The following CPNE5 variants were observed in gnomAD, a reference collection of about 807,000 sequenced individuals.
CPNE5 encodes the protein copine-5.
CPNE5 carries 42 observed loss-of-function variants against 81.1 expected under a neutral mutation model. That is an observed-to-expected ratio of 0.52 (90% confidence interval 0.40 to 0.67). The LOEUF is 0.67. CPNE5 is among the 30% of genes least tolerant of loss of function. CPNE5 has a pLI of 0.00. For missense variants in CPNE5, 612 were observed against 815.5 expected (o/e 0.75, Z 3.04); for synonymous variants, 313 against 321.5 (o/e 0.97, Z 0.28).
chr6:36,765,238 G>C lies in CPNE5; in HGVS notation c.779+97C>G, dbSNP rs550796602. ...CTCCCTCACCCCCAGAGCCACTGCG[G>C]GGGGGAGCCTGGTCACAGCTCCGCA... On this transcript the variant is annotated intron_variant, in intron 11 of 20. Coordinates refer to ENST00000244751, the MANE Select transcript of CPNE5 (RefSeq NM_020939.2). 6 of 1,373,440 alleles carry C rather than the reference G, an allele frequency of 4.4e-6. No individual in the cohort carries two copies. The Admixed American group carries it at 5.6e-5, about 13-fold the overall frequency. The allele number at this position is 1,373,440 out of a possible 1,614,324, so 85.1% of individuals were successfully genotyped here.
chr6:36,797,717 G>A (rs1045657067), intron 6 of CPNE5, among the ~76,000 whole-genome samples: 4 of 152,184 alleles, frequency 2.6e-5, no homozygotes, highest in Middle Eastern at 6.3e-3. Context: ...GGGACGGGAG[G>A]AGCCTCACTG....
At chr6:36,789,295 G>T (rs537696872) in intron 8 of CPNE5, among the ~76,000 whole-genome samples, 18 of 152,248 alleles carry the variant, frequency 1.2e-4, no homozygotes, top group Admixed American at 7.8e-4. Flanking sequence ...GGGAGGACTG[G>T]GGAAGAAGGA....
chr6:36,794,519 C>T (rs1020243616), intron 7 of CPNE5, 71 bp downstream of exon 7: 6 of 1,435,728 alleles, frequency 4.2e-6, no homozygotes, highest in Non-Finnish European at 5.9e-6. Flanking sequence ...GAGGCCCAGA[C>T]TCTGAGGCCC....
At chr6:36,778,535 C>A (rs1488667286) in intron 9 of CPNE5, among the ~76,000 whole-genome samples, 3 of 152,128 alleles carry the variant, frequency 2.0e-5, no homozygotes, top group Non-Finnish European at 2.9e-5. Flanking sequence ...GAGGGACTGG[C>A]CCCCTATTCC....
chr6:36,786,756 A>G (rs1159358007), intron 8 of CPNE5, among the ~76,000 whole-genome samples: 2 of 152,244 alleles, frequency 1.3e-5, no homozygotes, highest in Admixed American at 1.3e-4. Context: ...GCAGGCTATA[A>G]AACTGGATAC....
In CPNE5 at chr6:36,764,956, A is replaced by G. The variant is rs1262693496; in HGVS notation, c.779+379T>C. Among the ~76,000 whole-genome samples the G allele has an allele frequency of 2.4e-5, 3 of 125,046 alleles. No individual in the cohort carries two copies. The South Asian group carries it at 8.1e-4, about 34-fold the overall frequency. The allele number at this position is 125,046 out of a possible 152,430, so 82.0% of individuals were successfully genotyped here. On this transcript the variant is annotated intron_variant, in intron 11 of 20. Coordinates refer to ENST00000244751, the MANE Select transcript of CPNE5 (RefSeq NM_020939.2). ...GAGTCTTCACGCGGAAAATGTGTCC[A>G]TGAATGCTTGAAGTTCACTGGTGTC...
intron 3 of CPNE5, among the ~76,000 whole-genome samples, chr6:36,810,372 G>A (rs990519676): frequency 3.3e-5 from 5 of 152,170 alleles, no homozygotes; most frequent in African/African-American, 1.2e-4. Context: ...ATTATTGATG[G>A]CTCCTTAATT....
intron 10 of CPNE5, among the ~76,000 whole-genome samples, chr6:36,768,222 G>GTTTT (rs1554198661): frequency 2.3e-5 from 1 of 43,542 alleles, no homozygotes; most frequent in Non-Finnish European, 5.2e-5. Flanking sequence ...TCTATTCACA[G>GTTTT]TTCTTTTTTT....
At chr6:36,790,647 A>G (rs1245049741) in intron 8 of CPNE5, among the ~76,000 whole-genome samples, 4 of 152,052 alleles carry the variant, frequency 2.6e-5, no homozygotes, top group African/African-American at 9.7e-5. Context: ...CCCAGGCTGG[A>G]GTGCAGAGGA....
chr6:36,775,136 G>T, intron 9 of CPNE5, 71 bp from the exon 10 acceptor site: 1 of 1,114,490 alleles, frequency 9.0e-7, no homozygotes, highest in Non-Finnish European at 1.4e-6. Flanking sequence ...GTCAACAGAG[G>T]AGTCAGCTGG....
chr6:36,772,868 T>G (rs1030666584), intron 10 of CPNE5, among the ~76,000 whole-genome samples: 1 of 152,054 alleles, frequency 6.6e-6, no homozygotes, highest in African/African-American at 2.4e-5. Context: ...TTTTTTTTTC[T>G]TGAGACAGCA....
intron 3 of CPNE5, among the ~76,000 whole-genome samples, chr6:36,808,304 T>C (rs1009714059): frequency 1.3e-5 from 2 of 152,098 alleles, no homozygotes; most frequent in Non-Finnish European, 2.9e-5. Flanking sequence ...TTGACCAGGC[T>C]GGTCTCGAAC....
At chr6:36,817,316 A>ACT (rs1284755210) in intron 3 of CPNE5, among the ~76,000 whole-genome samples, 1 of 151,942 alleles carries the variant, frequency 6.6e-6, no homozygotes, top group African/African-American at 2.4e-5. Context: ...AAAGGGTGAA[A>ACT]CTCTACGCAA....
At chr6:36,756,193 T>C in intron 13 of CPNE5, 52 bp downstream of exon 13, 1 of 1,536,804 alleles carries the variant, frequency 6.5e-7, no homozygotes, top group Non-Finnish European at 9.0e-7. Context: ...CAGACCTAGC[T>C]TGGGGCTCAG....
chr6:36,749,972 C>T (rs1369993918), intron 14 of CPNE5, among the ~76,000 whole-genome samples: 3 of 152,234 alleles, frequency 2.0e-5, no homozygotes, highest in Non-Finnish European at 2.9e-5. Flanking sequence ...ATGGTTCTCA[C>T]ACGGCAGTGA....
intron 14 of CPNE5, among the ~76,000 whole-genome samples, chr6:36,749,665 A>AAAT (rs1485239281): frequency 2.6e-5 from 4 of 151,622 alleles, no homozygotes; most frequent in Non-Finnish European, 5.9e-5. Context: ...CAAAAATAAA[A>AAAT]AAAAAAAACC....
intron 10 of CPNE5, among the ~76,000 whole-genome samples, chr6:36,765,935 C>T (rs1196122152): frequency 2.6e-5 from 4 of 152,182 alleles, no homozygotes; most frequent in African/African-American, 9.7e-5. Flanking sequence ...TAATTATCTT[C>T]ATATTTTAGC....
intron 20 of CPNE5, chr6:36,743,261 C>G: frequency 1.0e-6 from 1 of 984,766 alleles, no homozygotes; most frequent in Non-Finnish European, 1.2e-6. Flanking sequence ...TCTTTCTGCT[C>G]ATTATATTTG....
At chr6:36,770,975 C>T (rs1266709468) in intron 10 of CPNE5, among the ~76,000 whole-genome samples, 1 of 151,914 alleles carries the variant, frequency 6.6e-6, no homozygotes, top group Non-Finnish European at 1.5e-5. Flanking sequence ...GCCACCTTTT[C>T]CTGCCCTCAA....
Sources: gnomAD v4.1 joint callset for allele counts (sites outside exome capture counted in the v4.1 genomes callset) on GRCh38, gnomAD v4.1.1 for gene constraint, MANE v1.5 for transcripts, NCBI Gene and HGNC (gene_info 2026-07-23, HGNC 2026-07-21) for gene names.